The following SLC17A5 variants were observed in gnomAD, a reference collection of about 807,000 sequenced individuals.
The protein encoded by SLC17A5 is solute carrier family 17 member 5, also known as sialin.
In SLC17A5, 47 loss-of-function variants were observed where a neutral mutation model predicts 59.4. The ratio of observed to expected loss-of-function variants is 0.79; its 90% CI spans 0.63 to 1.01. The LOEUF is 1.01. SLC17A5 is among the 50% of genes least tolerant of loss of function. SLC17A5 has a pLI of 0.00. For synonymous variants in SLC17A5, 202 were observed against 210.7 expected, an observed-to-expected ratio of 0.96 and a Z score of 0.36; for missense variants, 522 against 595.5, an observed-to-expected ratio of 0.88 and a Z score of 1.28.
At chr6:73,653,459 C>A (rs1769964146) in intron 1 of SLC17A5, 1 of 985,242 alleles carries the variant, frequency 1.0e-6, no homozygotes, top group Non-Finnish European at 1.2e-6. Context: ...TCAGCACTAC[C>A]CAAAATAACC....
At chr6:73,626,707 T>C (rs1476076542) in intron 6 of SLC17A5, among the ~76,000 whole-genome samples, 2 of 152,174 alleles carry the variant, frequency 1.3e-5, no homozygotes, top group Non-Finnish European at 2.9e-5. Context: ...TTCTAACAGG[T>C]TGATGAAAGA....
intron 7 of SLC17A5, among the ~76,000 whole-genome samples, chr6:73,617,458 T>C (rs1429043146): frequency 6.6e-6 from 1 of 152,224 alleles, no homozygotes; most frequent in Non-Finnish European, 1.5e-5. Flanking sequence ...GTAAATCAGA[T>C]AAGTGAATTT....
In SLC17A5 at chr6:73,643,633, C is replaced by T. The variant is rs549291420; in HGVS notation, c.291+774G>A. ...CTGGGATTATAGGTGTGTGCTACCACGCCCAGCTAATTTTTGTATTTTTAG... is the reference window on the plus strand; with the variant it reads ...CTGGGATTATAGGTGTGTGCTACCATGCCCAGCTAATTTTTGTATTTTTAG... On this transcript the variant is annotated intron_variant, in intron 2 of 10. Coordinates refer to ENST00000355773, the MANE Select transcript of SLC17A5 (RefSeq NM_012434.5). 2.6e-5 allele frequency among the ~76,000 whole-genome samples: 4 copies of T among 152,106 alleles called. No individual in the cohort carries two copies. In the East Asian group the frequency reaches 5.8e-4, roughly 22 times the overall value.
intron 2 of SLC17A5, among the ~76,000 whole-genome samples, chr6:73,644,091 A>G (rs1769426641): frequency 6.6e-6 from 1 of 152,220 alleles, no homozygotes. Context: ...TATAAAAGCT[A>G]TTTAGAAAAT....
At position 73,644,532 on chromosome 6, in the gene SLC17A5, A is replaced by G; in HGVS notation, c.166T>C (p.Leu56=). 1 of 1,614,128 alleles carries G rather than the reference A, an allele frequency of 6.2e-7. No homozygotes were observed. The highest frequency in any genetic ancestry group is 2.2e-5 in the East Asian group (1 of 44,882). ...AACGCAACACTCAGATTCACACGTA[A>G]TGCATACACAATGAAGAAACCAAAA... is the stretch of plus-strand genomic sequence containing the variant. The part of the protein sequence containing the change: ...AFFGFFIVYA[L]RVNLSVALVD... The change falls in exon 2 of 11, where the codon TTA becomes CTA. Residue 56 remains leucine, a synonymous_variant. Transcript: ENST00000355773.
rs543539257 is a variant in SLC17A5 at position 73,633,319 on chromosome 6, G to T, written c.819+2063C>A. 5.9e-5 allele frequency among the ~76,000 whole-genome samples: 9 copies of T among 151,902 alleles called. No homozygotes were observed. In the East Asian group the frequency reaches 1.7e-3, roughly 29 times the overall value. ...CAATCTTTGGCAAAGATCAAGACAG[G>T]TCATAATTCTTAAAGTTCAGCTGCT... is the stretch of plus-strand genomic sequence containing the variant. On this transcript the variant is annotated intron_variant, in intron 6 of 10. Coordinates refer to ENST00000355773, the MANE Select transcript of SLC17A5 (RefSeq NM_012434.5).
chr6:73,635,163 C>T, intron 6 of SLC17A5: 2 of 355,394 alleles, frequency 5.6e-6, no homozygotes, highest in South Asian at 5.5e-5. Context: ...AGTCTCCTGA[C>T]CTCAAATGAT....
chr6:73,600,304 G>T, intron 10 of SLC17A5, 47 bp downstream of exon 10: 2 of 1,311,454 alleles, frequency 1.5e-6, no homozygotes, highest in South Asian at 1.2e-5. Context: ...TGACACAGAT[G>T]TGCAGCTCCA....
At chr6:73,642,112 A>G (rs1769313822) in intron 2 of SLC17A5, among the ~76,000 whole-genome samples, 188 bp from the exon 3 acceptor site, 1 of 152,240 alleles carries the variant, frequency 6.6e-6, no homozygotes, top group Non-Finnish European at 1.5e-5. Flanking sequence ...AAGTGAATGA[A>G]AAAGAACTGA....
chr6:73,595,933 CATAT>C (rs1215120613), intron 10 of SLC17A5, among the ~76,000 whole-genome samples: 6 of 916 alleles, frequency 6.6e-3, no homozygotes, highest in South Asian at 0.083. Flanking sequence ...TATACATATA[CATAT>C]ATATATATAT....
intron 3 of SLC17A5, among the ~76,000 whole-genome samples, chr6:73,639,142 T>C (rs1174437569): frequency 6.6e-6 from 1 of 152,132 alleles, no homozygotes; most frequent in Non-Finnish European, 1.5e-5. Context: ...ATAACAAGCC[T>C]AGTAGATGCC....
intron 4 of SLC17A5, among the ~76,000 whole-genome samples, chr6:73,637,874 A>T (rs1439555999): frequency 2.0e-5 from 3 of 152,194 alleles, no homozygotes; most frequent in African/African-American, 7.2e-5. Flanking sequence ...ATAAAATTAT[A>T]ATTCACATAT....
intron 6 of SLC17A5, among the ~76,000 whole-genome samples, chr6:73,625,340 C>T (rs1236597440): frequency 1.3e-5 from 2 of 150,664 alleles, no homozygotes; most frequent in African/African-American, 4.8e-5. Context: ...GCACCCGCCA[C>T]CACCCCTGGC....
chr6:73,625,184 A>T (rs1409078679), intron 6 of SLC17A5, among the ~76,000 whole-genome samples: 1 of 152,062 alleles, frequency 6.6e-6, no homozygotes, highest in Non-Finnish European at 1.5e-5. Flanking sequence ...TACAAATTTT[A>T]AAAAATTATT....
At chr6:73,629,535 G>A (rs1203437548) in intron 6 of SLC17A5, among the ~76,000 whole-genome samples, 1 of 152,166 alleles carries the variant, frequency 6.6e-6, no homozygotes, top group Non-Finnish European at 1.5e-5. Context: ...CACTTTGGGA[G>A]GCCGAAGCTG....
intron 1 of SLC17A5, among the ~76,000 whole-genome samples, chr6:73,651,483 A>AAAAAAAAAC (rs1368983159): frequency 1.5e-5 from 2 of 133,842 alleles, no homozygotes; most frequent in Non-Finnish European, 3.3e-5. Flanking sequence ...AAAAAAAAAA[A>AAAAAAAAAC]ATCAGGACAT....
chr6:73,610,289 C>A, intron 9 of SLC17A5, 111 bp downstream of exon 9: 1 of 1,299,718 alleles, frequency 7.7e-7, no homozygotes, highest in East Asian at 2.4e-5. Context: ...CTGCCTTGGC[C>A]TCCCAAAGTG....
At chr6:73,624,901 A>G (rs757016482) in intron 6 of SLC17A5, among the ~76,000 whole-genome samples, 21 of 152,064 alleles carry the variant, frequency 1.4e-4, no homozygotes, top group Non-Finnish European at 2.8e-4. Flanking sequence ...ATATACATTC[A>G]GATTGTGAGC....
At chr6:73,653,697 G>A (rs1489697286) in intron 1 of SLC17A5, 96 bp downstream of exon 1, 36 of 1,289,304 alleles carry the variant, frequency 2.8e-5, no homozygotes, top group Admixed American at 4.1e-5. Flanking sequence ...CGGTCCCGCC[G>A]GCGCAGGGTG....
Sources: gnomAD v4.1 joint callset for allele counts (sites outside exome capture counted in the v4.1 genomes callset) on GRCh38, gnomAD v4.1.1 for gene constraint, MANE v1.5 for transcripts, NCBI Gene and HGNC (gene_info 2026-07-23, HGNC 2026-07-21) for gene names.